Variants in CTNNA2 observed in about 807,000 individuals in gnomAD.
The protein encoded by CTNNA2 is catenin alpha-2.
In CTNNA2, 42 loss-of-function variants were observed where a neutral mutation model predicts 101.0. The ratio of observed to expected loss-of-function variants is 0.42; its 90% CI spans 0.32 to 0.54. The LOEUF (loss-of-function observed/expected upper bound fraction) is 0.54, where lower values mean the gene tolerates loss of function less well. CTNNA2 is among the 20% of genes least tolerant of loss of function. The pLI is 0.14. For missense variants in CTNNA2, 871 were observed against 1,223.1 expected (o/e 0.71, Z 4.29); for synonymous variants, 450 against 456.4 (o/e 0.99, Z 0.18).
intron 1 of CTNNA2, among the ~76,000 whole-genome samples, chr2:79,525,991 T>G (rs2103901152): frequency 6.6e-6 from 1 of 152,158 alleles, no homozygotes. Flanking sequence ...GGAAATAATT[T>G]TTTTGTTTGC....
At chr2:80,331,277 T>C (rs942123640) in intron 7 of CTNNA2, among the ~76,000 whole-genome samples, 2 of 152,140 alleles carry the variant, frequency 1.3e-5, no homozygotes, top group African/African-American at 4.8e-5. Context: ...GTGGCAGGAT[T>C]TGTGTTTGCT....
At chr2:80,419,652 T>G in intron 9 of CTNNA2, 51 bp downstream of exon 9, 45 of 1,541,114 alleles carry the variant, frequency 2.9e-5, no homozygotes, top group Non-Finnish European at 3.8e-5. Context: ...GTTCAATCTC[T>G]GCATATGGCT....
chr2:80,183,098 G>A (rs1230807284), intron 7 of CTNNA2, among the ~76,000 whole-genome samples: 2 of 152,082 alleles, frequency 1.3e-5, no homozygotes, highest in Non-Finnish European at 2.9e-5. Flanking sequence ...TATTATTCCT[G>A]GTGTTATTCC....
chr2:79,287,444 C>T (rs1165641989), intron 2 of CTNNA2, among the ~76,000 whole-genome samples: 2 of 152,086 alleles, frequency 1.3e-5, no homozygotes, highest in African/African-American at 2.4e-5. Flanking sequence ...GTGTGGATGT[C>T]CTTTCTGTTT....
At chr2:80,431,848 G>A (rs533907262) in intron 9 of CTNNA2, among the ~76,000 whole-genome samples, 1 of 152,118 alleles carries the variant, frequency 6.6e-6, no homozygotes, top group South Asian at 2.1e-4. Flanking sequence ...ATGACATTCT[G>A]TTATTAACTG....
intron 7 of CTNNA2, among the ~76,000 whole-genome samples, chr2:80,333,995 C>T (rs950008790): frequency 1.3e-5 from 2 of 152,184 alleles, no homozygotes; most frequent in African/African-American, 4.8e-5. Context: ...CAGTGTTGCA[C>T]GTCAAAGGCA....
At chr2:79,356,206 T>C (rs1677505779) in intron 3 of CTNNA2, among the ~76,000 whole-genome samples, 1 of 152,046 alleles carries the variant, frequency 6.6e-6, no homozygotes, top group Non-Finnish European at 1.5e-5. Flanking sequence ...TAATTACTAG[T>C]GATGTTGAAC....
intron 1 of CTNNA2, among the ~76,000 whole-genome samples, chr2:79,584,902 A>G (rs910755656): frequency 2.6e-5 from 4 of 152,196 alleles, no homozygotes; most frequent in African/African-American, 9.6e-5. Context: ...ATCCGGAACA[A>G]TTTTTTAAAA....
intron 9 of CTNNA2, among the ~76,000 whole-genome samples, chr2:80,534,139 G>A (rs1690784263): frequency 6.6e-6 from 1 of 152,134 alleles, no homozygotes; most frequent in Admixed American, 6.5e-5. Context: ...TGCTAGTGGT[G>A]TGTGTATCCC....
At chr2:79,806,815 A>G (rs932273946) in intron 3 of CTNNA2, among the ~76,000 whole-genome samples, 1 of 151,724 alleles carries the variant, frequency 6.6e-6, no homozygotes, top group Non-Finnish European at 1.5e-5. Context: ...TTGAGATCAT[A>G]TTTTCATTTA....
At position 80,298,839 on chromosome 2, in the gene CTNNA2, G is replaced by A. The variant is rs1675992209; in HGVS notation, c.1057-94372G>A. On this transcript the variant is annotated intron_variant, in intron 7 of 18. Coordinates refer to ENST00000402739, the MANE Select transcript of CTNNA2 (RefSeq NM_001282597.3). ...GTATAGGCTGCATTGTGGGTAGGTGGTCTCAACTATTAATATCAAGGCTAA... is the reference window on the plus strand; with the variant it reads ...GTATAGGCTGCATTGTGGGTAGGTGATCTCAACTATTAATATCAAGGCTAA... 5 of 152,264 alleles carry A rather than the reference G, an allele frequency of 3.3e-5. No homozygotes were observed. The South Asian group carries it at 1.0e-3, about 32-fold the overall frequency. 9.4% of individuals were successfully genotyped at this position (152,264 alleles called of 1,614,324 possible).
intron 2 of CTNNA2, among the ~76,000 whole-genome samples, chr2:79,703,417 T>C (rs1685139982): frequency 1.3e-5 from 2 of 152,228 alleles, no homozygotes; most frequent in South Asian, 4.1e-4. Flanking sequence ...TCTGAACATT[T>C]TCTTATCGCT....
chr2:79,397,197 A>ACATTTATC (rs1475720109), intron 4 of CTNNA2, among the ~76,000 whole-genome samples: 1 of 152,160 alleles, frequency 6.6e-6, no homozygotes, highest in East Asian at 1.9e-4. Context: ...ATTGCCTCAA[A>ACATTTATC]CATTTATCTT....
chr2:79,402,018 A>G (rs1292731064), intron 4 of CTNNA2, among the ~76,000 whole-genome samples: 1 of 151,744 alleles, frequency 6.6e-6, no homozygotes, highest in Non-Finnish European at 1.5e-5. Context: ...TGGCTATAAT[A>G]ACATCAGACA....
At position 80,211,167 on chromosome 2, in the gene CTNNA2, G is replaced by A. The variant is rs1573401320; in HGVS notation, c.1057-182044G>A. ...AGAATTTTCTCCCATTGTGTAGGTT[G>A]CCTGTTCACTCTAATGATAGTTTCT... On this transcript the variant is annotated intron_variant, in intron 7 of 18. Coordinates refer to ENST00000402739, the MANE Select transcript of CTNNA2 (RefSeq NM_001282597.3). 2.6e-5 allele frequency among the ~76,000 whole-genome samples: 4 copies of A among 152,270 alleles called. No individual in the cohort carries two copies. In the South Asian group the frequency reaches 8.3e-4, roughly 32 times the overall value.
chr2:79,629,054 T>C (rs914136585), intron 1 of CTNNA2, among the ~76,000 whole-genome samples: 3 of 152,184 alleles, frequency 2.0e-5, no homozygotes, highest in Admixed American at 1.3e-4. Flanking sequence ...CCTAGGACTT[T>C]TGAGACCTCC....
chr2:79,568,555 G>A (rs1280978441), intron 1 of CTNNA2, among the ~76,000 whole-genome samples: 8 of 151,818 alleles, frequency 5.3e-5, no homozygotes, highest in Middle Eastern at 3.4e-3. Flanking sequence ...CCAAGATTGC[G>A]CCACTGCACT....
At chr2:79,755,896 AAG>A (rs769840550) in intron 3 of CTNNA2, among the ~76,000 whole-genome samples, 9 of 152,204 alleles carry the variant, frequency 5.9e-5, no homozygotes, top group Non-Finnish European at 7.3e-5. Context: ...AAAAGACAAA[AAG>A]AAGTTCCATG....
intron 1 of CTNNA2, among the ~76,000 whole-genome samples, chr2:79,649,664 T>G (rs1432071536): frequency 6.6e-6 from 1 of 152,206 alleles, no homozygotes; most frequent in Non-Finnish European, 1.5e-5. Context: ...AAAGTGTTTT[T>G]AGGTTTTTGG....
Sources: allele counts gnomAD v4.1 joint callset (sites outside exome capture counted in the v4.1 genomes callset), GRCh38; gene constraint gnomAD v4.1.1; transcripts MANE v1.5; gene names NCBI Gene and HGNC (gene_info 2026-07-23, HGNC 2026-07-21).